Variants in PSMG1 observed in about 807,000 individuals in gnomAD.
PSMG1 encodes the protein Down syndrome critical region gene 2.
Under a neutral mutation model 37.2 loss-of-function variants are expected in PSMG1, and 23 were observed. The observed-to-expected ratio is 0.62, with a 90% CI of 0.44 to 0.88. The LOEUF (loss-of-function observed/expected upper bound fraction) is 0.88. Ranked by LOEUF, PSMG1 falls within the 40% of genes least tolerant of loss-of-function variation. PSMG1 has a pLI of 0.00. For synonymous variants in PSMG1, 127 were observed against 128.0 expected (o/e 0.99, Z 0.05); for missense variants, 340 against 344.2 (o/e 0.99, Z 0.10).
At position 39,175,568 on chromosome 21, in the gene PSMG1, C is replaced by T. The variant is rs1307490425; in HGVS notation, c.*22G>A. 50 of 1,581,234 alleles carry T rather than the reference C, an allele frequency of 3.2e-5. No homozygotes were observed. Among genetic ancestry groups the T allele is most frequent in the Non-Finnish European group, 4.3e-5 (50 of 1,151,928 alleles). On this transcript the variant is annotated 3_prime_UTR_variant, in exon 7 of 7. Transcript: ENST00000331573. ...CTTAAAGGAATGGACAAGTAATATACACTACAAAACAATGTTTAAGATCAT... is the reference window on the plus strand; with the variant it reads ...CTTAAAGGAATGGACAAGTAATATATACTACAAAACAATGTTTAAGATCAT...
At chr21:39,177,408 A>T (rs1184113222) in intron 6 of PSMG1, 27 bp downstream of exon 6, 1 of 1,537,846 alleles carries the variant, frequency 6.5e-7, no homozygotes, top group Non-Finnish European at 8.7e-7. Flanking sequence ...CAATGCAGCT[A>T]TTAATTTAAA....
chr21:39,179,978 G>A lies in PSMG1; in HGVS notation c.402C>T (p.Leu134=), dbSNP rs760009614. 1.2e-6 allele frequency: 2 copies of A among 1,612,518 alleles called. No homozygotes were observed. Among genetic ancestry groups the A allele is most frequent in the Non-Finnish European group, 1.7e-6 (2 of 1,179,828 alleles). ...YHLKSNPSVF[L]CQCSCYVAED... ...CTGCAACATAGCAACTGCACTGACA[G>A]AGAAAAACCTGAAAAGTCAAGTTCC... The change falls in exon 4 of 7, where the codon CTC becomes CTT. Residue 134 remains leucine (L), a synonymous_variant. Coordinates refer to ENST00000331573, the MANE Select transcript of PSMG1 (RefSeq NM_003720.4).
intron 5 of PSMG1, 93 bp from the exon 6 acceptor site, chr21:39,177,664 G>A (rs1008524625): frequency 2.0e-6 from 2 of 1,019,174 alleles, no homozygotes; most frequent in African/African-American, 3.4e-5. Context: ...GTTGTTAAAA[G>A]TAGTTATCTC....
chr21:39,177,439 A>G lies in PSMG1; in HGVS notation c.788T>C (p.Val263Ala), dbSNP rs1417952964. 3.8e-6 allele frequency: 6 copies of G among 1,588,190 alleles called. No individual in the cohort carries two copies. In the African/African-American group the frequency reaches 6.8e-5, roughly 18 times the overall value. ...ILSTRSLKGL[V>A]KNIPQSTEIL... Reference sequence around the variant, plus strand: ...TTAAATGAGTTAAAACCTTACCTTAACCAAACCCTTCAAGCTTCTGGTAGA... The same window carrying G: ...TTAAATGAGTTAAAACCTTACCTTAGCCAAACCCTTCAAGCTTCTGGTAGA... The change falls in exon 6 of 7, where the codon GTT becomes GCT. Residue 263 changes from valine (V) to alanine (A), a missense_variant. Coordinates refer to ENST00000331573, the MANE Select transcript of PSMG1 (RefSeq NM_003720.4).
chr21:39,180,333 G>A lies in PSMG1; in HGVS notation c.345C>T (p.Ser115=). 6.2e-7 allele frequency: 1 copy of A among 1,612,376 alleles called. No homozygotes were observed. Among genetic ancestry groups the A allele is most frequent in the Non-Finnish European group, 8.5e-7 (1 of 1,179,226 alleles). ...WCRTTDTTHL[S]STEAFCVFYH... is the part of the protein sequence containing the mutation. The stretch of plus-strand genomic sequence containing the variant: ...AAAACACACAAAAAGCCTCTGTGGA[G>A]GACAGATGTGTAGTGTCTGTTGTTC... Residue 115 remains serine, a synonymous_variant, in exon 3 of 7, where the codon TCC becomes TCT. Transcript: ENST00000331573.
At position 39,180,280 on chromosome 21, in the gene PSMG1, C is replaced by T. The variant is rs1302197656; in HGVS notation, c.393+5G>A. The T allele has an allele frequency of 1.3e-6, 2 of 1,592,448 alleles. No homozygotes were observed. The highest frequency in any genetic ancestry group is 1.8e-5 in the Admixed American group (1 of 55,020). ...CTGCTTTTCAAACATACAAGTCCCA[C>T]CTACCGAGGGATTGGATTTTAGATG... On this transcript the variant is annotated splice_donor_5th_base_variant and intron_variant, in intron 3 of 6. Coordinates refer to ENST00000331573, the MANE Select transcript of PSMG1 (RefSeq NM_003720.4).
At chr21:39,181,723 TA>T in intron 2 of PSMG1, 48 bp downstream of exon 2, 6 of 1,229,788 alleles carry the variant, frequency 4.9e-6, no homozygotes, top group Non-Finnish European at 6.7e-6. Flanking sequence ...AAAATAAGTA[TA>T]TTTCATTCTT....
At chr21:39,178,924 G>A in intron 4 of PSMG1, 1 of 400,880 alleles carries the variant, frequency 2.5e-6, no homozygotes. Flanking sequence ...ATGTTAAAAT[G>A]TGATTCCCAA....
At position 39,177,562 on chromosome 21, in the gene PSMG1, T is replaced by A; in HGVS notation, c.665A>T (p.Tyr222Phe). ...VHDLPAAVLS[Y>F]CQVWKIPAIL... ...TGCTGGGATTTTCCATACTTGACAG[T>A]AGCTTAGAACTATGAATACACAAGA... is the stretch of plus-strand genomic sequence containing the variant. The change falls in exon 6 of 7, where the codon TAC becomes TTC. Residue 222 changes from tyrosine to phenylalanine, a missense_variant. By Grantham distance (22) the Tyr-to-Phe change is conservative (BLOSUM62 3). Transcript: ENST00000331573. 1 of 1,582,478 alleles carries A rather than the reference T, an allele frequency of 6.3e-7. No homozygotes were observed. The highest frequency in any genetic ancestry group is 1.2e-5 in the South Asian group (1 of 84,796).
chr21:39,175,618 T>A lies in PSMG1; in HGVS notation c.839A>T (p.Asn280Ile). 1 of 1,594,294 alleles carries A rather than the reference T, an allele frequency of 6.3e-7. No individual in the cohort carries two copies. Among genetic ancestry groups the A allele is most frequent in the East Asian group, 2.2e-5 (1 of 44,760 alleles). ...TGTATAAATGTTACTCTGAATCTCA[T>A]TTGTTGTCATCAATTTCTTTAGTAT... Reference protein sequence around the residue: ...TEILKKLMTTNEIQSNIYT With the variant: ...TEILKKLMTTIEIQSNIYT Residue 280 changes from asparagine to isoleucine, a missense_variant, in exon 7 of 7, where the codon AAT becomes ATT. Coordinates refer to ENST00000331573, the MANE Select transcript of PSMG1 (RefSeq NM_003720.4).
upstream of PSMG1, chr21:39,183,453 A>G (rs1412713040): frequency 4.0e-6 from 6 of 1,486,098 alleles, no homozygotes; most frequent in Non-Finnish European, 4.5e-6. Flanking sequence ...GCGCGAGACC[A>G]CGCTCCCTCA....
chr21:39,180,729 G>A (rs2030797544), intron 2 of PSMG1, among the ~76,000 whole-genome samples: 1 of 152,118 alleles, frequency 6.6e-6, no homozygotes, highest in Non-Finnish European at 1.5e-5. Context: ...TAGGCCAGCA[G>A]AACTTTATAT....
At chr21:39,182,051 C>T (rs1398721811) in intron 1 of PSMG1, among the ~76,000 whole-genome samples, 173 bp from the exon 2 acceptor site, 1 of 152,122 alleles carries the variant, frequency 6.6e-6, no homozygotes, top group African/African-American at 2.4e-5. Flanking sequence ...ACAGATAAAA[C>T]TATTGCATAC....
At position 39,180,137 on chromosome 21, in the gene PSMG1, C is replaced by T. The variant is rs1020650645; in HGVS notation, c.393+148G>A. ...CTACTTATTTCTCTTTAAAATTTAA[C>T]AGTCAAACCACTACTGGTGATTAGT... On this transcript the variant is annotated intron_variant, in intron 3 of 6. Coordinates refer to ENST00000331573, the MANE Select transcript of PSMG1 (RefSeq NM_003720.4). The T allele has an allele frequency of 8.1e-6, 10 of 1,234,714 alleles. No individual in the cohort carries two copies. In the African/African-American group the frequency reaches 1.2e-4, roughly 15 times the overall value. The allele number at this position is 1,234,714 out of a possible 1,614,324, so 76.5% of individuals were successfully genotyped here.
At chr21:39,177,348 G>C in intron 6 of PSMG1, 87 bp downstream of exon 6, 1 of 1,272,696 alleles carries the variant, frequency 7.9e-7, no homozygotes, top group Non-Finnish European at 1.0e-6. Flanking sequence ...GCATTGCTTA[G>C]GGTTTAAAAT....
In PSMG1 at chr21:39,183,416, C is replaced by T; in HGVS notation, c.-31G>A. The T allele has an allele frequency of 2.6e-6, 4 of 1,560,414 alleles. No individual in the cohort carries two copies. Among genetic ancestry groups the T allele is most frequent in the Admixed American group, 1.8e-5 (1 of 55,128 alleles). ...CCCCGTGACCGGCTGGACACAACTG[C>T]AGCGCCGCGGGACCGCACGCCGGCT... On this transcript the variant is annotated 5_prime_UTR_variant, in exon 1 of 7. Transcript: ENST00000331573.
chr21:39,181,716 A>C (rs2030832961), intron 2 of PSMG1, 56 bp downstream of exon 2: 1 of 1,186,430 alleles, frequency 8.4e-7, no homozygotes, highest in South Asian at 1.6e-5. Context: ...ATGGAAGAAA[A>C]TAAGTATATT....
At chr21:39,178,996 C>T (rs2146407852) in intron 4 of PSMG1, among the ~76,000 whole-genome samples, 1 of 152,206 alleles carries the variant, frequency 6.6e-6, no homozygotes, top group African/African-American at 2.4e-5. Context: ...CATGAATGGC[C>T]TAGCACCACC....
chr21:39,179,443 C>T (rs1160846290), intron 4 of PSMG1, among the ~76,000 whole-genome samples: 1 of 152,148 alleles, frequency 6.6e-6, no homozygotes, highest in African/African-American at 2.4e-5. Flanking sequence ...ACCACTGACA[C>T]CTTAAAAATA....
Sources: gnomAD v4.1 joint callset for allele counts (sites outside exome capture counted in the v4.1 genomes callset) on GRCh38, gnomAD v4.1.1 for gene constraint, MANE v1.5 for transcripts, NCBI Gene and HGNC (gene_info 2026-07-23, HGNC 2026-07-21) for gene names.